Variants in RALYL observed in about 807,000 individuals in gnomAD.
The protein encoded by RALYL is RALY RNA binding protein like.
In RALYL, 29 loss-of-function variants were observed where a neutral mutation model predicts 35.1. The ratio of observed to expected loss-of-function variants is 0.83; its 90% CI spans 0.61 to 1.13. The LOEUF is 1.13. Among genes scored for constraint, RALYL ranks in the 50% most tolerant of loss-of-function variants. The pLI is 0.00. For synonymous variants in RALYL, 120 were observed against 127.6 expected (o/e 0.94, Z 0.40); for missense variants, 359 against 360.4 (o/e 1.00, Z 0.03).
At chr8:84,735,974 C>T (rs1847234857) in intron 2 of RALYL, among the ~76,000 whole-genome samples, 1 of 151,984 alleles carries the variant, frequency 6.6e-6, no homozygotes, top group African/African-American at 2.4e-5. Context: ...AAGTCAAACA[C>T]ATGTGATTAT....
intron 2 of RALYL, among the ~76,000 whole-genome samples, chr8:84,732,333 T>C (rs931561519): frequency 6.6e-6 from 1 of 152,124 alleles, no homozygotes; most frequent in African/African-American, 2.4e-5. Context: ...TTCTAGCTTC[T>C]CCATTTACTA....
At chr8:84,390,296 A>T (rs866179071) in intron 1 of RALYL, among the ~76,000 whole-genome samples, 2 of 152,062 alleles carry the variant, frequency 1.3e-5, no homozygotes, top group African/African-American at 2.4e-5. Context: ...TATTGGTCCA[A>T]AATTCTCTTT....
intron 2 of RALYL, among the ~76,000 whole-genome samples, chr8:84,537,333 G>T (rs1411604873): frequency 1.3e-5 from 2 of 151,760 alleles, no homozygotes; most frequent in African/African-American, 4.8e-5. Context: ...AGCTGGGCTT[G>T]GTGGCATGCA....
intron 1 of RALYL, among the ~76,000 whole-genome samples, chr8:84,245,717 A>G (rs1442785111): frequency 6.6e-6 from 1 of 152,132 alleles, no homozygotes; most frequent in Non-Finnish European, 1.5e-5. Context: ...GGAGAAGGGT[A>G]GACTCAGGGG....
chr8:84,734,328 C>A (rs1441841336), intron 2 of RALYL, among the ~76,000 whole-genome samples: 1 of 152,094 alleles, frequency 6.6e-6, no homozygotes, highest in Non-Finnish European at 1.5e-5. Context: ...TTAGCTTAAA[C>A]AAAGACCTTA....
chr8:84,872,577 T>G (rs530603042), intron 6 of RALYL: 1 of 152,320 alleles, frequency 6.6e-6, no homozygotes, highest in East Asian at 1.9e-4. Flanking sequence ...TGTCATCTTA[T>G]GTTAGTCCCC....
intron 1 of RALYL, among the ~76,000 whole-genome samples, chr8:84,192,269 A>G (rs1814078815): frequency 6.6e-6 from 1 of 152,174 alleles, no homozygotes; most frequent in Non-Finnish European, 1.5e-5. Context: ...CAAATGCATA[A>G]GGTGAGGTAT....
At chr8:84,896,153 C>T (rs1302263615) in intron 8 of RALYL, among the ~76,000 whole-genome samples, 1 of 152,174 alleles carries the variant, frequency 6.6e-6, no homozygotes, top group Non-Finnish European at 1.5e-5. Flanking sequence ...ATGACTCTCT[C>T]ACACTCAGAG....
chr8:84,744,258 CTCCTCCTG>C (rs1808087341), intron 2 of RALYL, among the ~76,000 whole-genome samples: 2 of 151,998 alleles, frequency 1.3e-5, no homozygotes, highest in South Asian at 4.1e-4. Context: ...AAGCTCAAAG[CTCCTCCTG>C]TCATCCCTAG....
intron 1 of RALYL, among the ~76,000 whole-genome samples, chr8:84,526,878 C>T (rs1302252472): frequency 6.6e-6 from 1 of 152,140 alleles, no homozygotes; most frequent in African/African-American, 2.4e-5. Flanking sequence ...CTCTGTACTG[C>T]CTGTAGTTTA....
intron 2 of RALYL, among the ~76,000 whole-genome samples, chr8:84,649,700 G>C (rs900015519): frequency 3.9e-5 from 6 of 152,080 alleles, no homozygotes; most frequent in Admixed American, 3.3e-4. Context: ...AGTATAGTTT[G>C]AAGTCAGGTA....
intron 1 of RALYL, among the ~76,000 whole-genome samples, chr8:84,403,701 T>G (rs1400431893): frequency 6.6e-6 from 1 of 151,962 alleles, no homozygotes; most frequent in Non-Finnish European, 1.5e-5. Context: ...TTAAAGTAGT[T>G]TTTTTCTAAT....
At chr8:84,765,770 G>C (rs1489522546) in intron 2 of RALYL, among the ~76,000 whole-genome samples, 1 of 151,394 alleles carries the variant, frequency 6.6e-6, no homozygotes, top group African/African-American at 2.4e-5. Context: ...AAAAGAGACA[G>C]AATGACTTTT....
chr8:84,912,974 C>G (rs1946400), intron 8 of RALYL, among the ~76,000 whole-genome samples: 1 of 150,038 alleles, frequency 6.7e-6, no homozygotes, highest in Non-Finnish European at 1.5e-5. Flanking sequence ...ATGTACAGTG[C>G]AGACCCAGGA....
Position 84,787,886 on chromosome 8 carries a change from T to C in RALYL, c.332+13232T>C, listed in dbSNP as rs192638489. On this transcript the variant is annotated intron_variant, in intron 3 of 8. Transcript: ENST00000521268. ...ATGGGGTTGTTTTTTTCTTGTAAAT[T>C]TGTTTAAGTTCTTTGTAGATTCTGG... Among the ~76,000 whole-genome samples the C allele has an allele frequency of 3.0e-3, 455 of 152,274 alleles. 6 individuals carry two copies. Among genetic ancestry groups the C allele is most frequent in the African/African-American group, 0.011 (439 of 41,548 alleles).
At chr8:84,834,148 A>T (rs1831477377) in intron 4 of RALYL, among the ~76,000 whole-genome samples, 3 of 152,224 alleles carry the variant, frequency 2.0e-5, no homozygotes, top group Admixed American at 2.0e-4. Flanking sequence ...GTACTCTTCG[A>T]CTACGTGTCA....
intron 1 of RALYL, among the ~76,000 whole-genome samples, chr8:84,472,217 C>G (rs371675554): frequency 3.9e-5 from 6 of 152,214 alleles, no homozygotes; most frequent in African/African-American, 1.4e-4. Flanking sequence ...TTATTCAGAA[C>G]TTCCTGTATC....
chr8:84,322,997 A>G (rs1845159144), intron 1 of RALYL, among the ~76,000 whole-genome samples: 1 of 152,098 alleles, frequency 6.6e-6, no homozygotes, highest in Non-Finnish European at 1.5e-5. Flanking sequence ...GAAGATTGAG[A>G]TACAAGTAAG....
intron 1 of RALYL, among the ~76,000 whole-genome samples, chr8:84,309,093 C>G (rs1842306974): frequency 6.6e-6 from 1 of 150,984 alleles, no homozygotes; most frequent in African/African-American, 2.4e-5. Context: ...GAAGCAAAAA[C>G]CATAGGAAAA....
Sources: gnomAD v4.1 joint callset for allele counts (sites outside exome capture counted in the v4.1 genomes callset) on GRCh38, gnomAD v4.1.1 for gene constraint, MANE v1.5 for transcripts, NCBI Gene and HGNC (gene_info 2026-07-23, HGNC 2026-07-21) for gene names.